ADGRG6: variants seen among roughly 807,000 people sequenced by gnomAD.
ADGRG6 encodes adhesion G protein-coupled receptor G6, also known as G-protein coupled receptor 126.
Under a neutral mutation model 142.4 loss-of-function variants are expected in ADGRG6, and 84 were observed. That is an observed-to-expected ratio of 0.59 (90% CI 0.49 to 0.71). The LOEUF (loss-of-function observed/expected upper bound fraction) is 0.71, where lower values mean the gene tolerates loss of function less well. Among genes scored for constraint, ADGRG6 ranks in the 30% least tolerant of loss-of-function variants. The pLI is 0.00. For synonymous variants in ADGRG6, 521 were observed against 520.5 expected (o/e 1.00, Z -0.01); for missense variants, 1,367 against 1,466.6 (o/e 0.93, Z 1.11).
At chr6:142,309,451 C>T in intron 1 of ADGRG6, 93 bp from the exon 2 acceptor site, 2 of 746,046 alleles carry the variant, frequency 2.7e-6, no homozygotes, top group Non-Finnish European at 4.2e-6. Context: ...GTTTATTTTC[C>T]AGTCCCTACT....
At chr6:142,394,453 T>C in intron 9 of ADGRG6, among the ~76,000 whole-genome samples, 1 of 152,250 alleles carries the variant, frequency 6.6e-6, no homozygotes, top group East Asian at 1.9e-4. Context: ...CCAGCATATA[T>C]GACCAGTTGG....
At position 142,386,939 on chromosome 6, in the gene ADGRG6, C is replaced by A. The variant is rs141125013; in HGVS notation, c.1222+3096C>A. Among the ~76,000 whole-genome samples, 234 of 152,290 alleles carry A rather than the reference C, an allele frequency of 1.5e-3. 1 individual carries two copies. The highest frequency in any genetic ancestry group is 5.1e-3 in the Admixed American group (78 of 15,290). ...GGGATGTGGGAAGACACTGGAGGAC[C>A]TGGAGAAACCCCATGAAGACAAGGG... On this transcript the variant is annotated intron_variant, in intron 6 of 24. Coordinates refer to ENST00000367609, the MANE Select transcript of ADGRG6 (RefSeq NM_198569.3).
At chr6:142,369,010 T>C (rs562770986) in intron 3 of ADGRG6, among the ~76,000 whole-genome samples, 1 of 152,280 alleles carries the variant, frequency 6.6e-6, no homozygotes, top group East Asian at 1.9e-4. Context: ...ATTTAAAACG[T>C]AAACTAAAGT....
intron 14 of ADGRG6, 67 bp from the exon 15 acceptor site, chr6:142,405,621 A>G: frequency 7.9e-7 from 1 of 1,269,684 alleles, no homozygotes; most frequent in African/African-American, 1.5e-5. Flanking sequence ...CTAACTATAC[A>G]TGTGGAATAA....
intron 2 of ADGRG6, among the ~76,000 whole-genome samples, chr6:142,346,731 T>C (rs927726656): frequency 3.9e-5 from 6 of 152,094 alleles, no homozygotes; most frequent in African/African-American, 1.4e-4. Context: ...TGCAGGGACA[T>C]GAATGAAGCT....
chr6:142,302,466 G>T (rs1582943952), intron 1 of ADGRG6, 135 bp downstream of exon 1: 2 of 927,812 alleles, frequency 2.2e-6, no homozygotes, highest in East Asian at 5.5e-5. Context: ...GGAATAAACC[G>T]GTTTGTCTTC....
intron 24 of ADGRG6, among the ~76,000 whole-genome samples, chr6:142,443,115 A>C (rs1443923023): frequency 6.6e-6 from 1 of 152,180 alleles, no homozygotes; most frequent in African/African-American, 2.4e-5. Flanking sequence ...GCCACAGTAC[A>C]AATTACTAGA....
chr6:142,422,007 G>A (rs935577731), intron 22 of ADGRG6, among the ~76,000 whole-genome samples: 3 of 152,118 alleles, frequency 2.0e-5, no homozygotes, highest in Non-Finnish European at 2.9e-5. Flanking sequence ...TTATTGTTGA[G>A]TCATTTTCAG....
chr6:142,304,874 C>T (rs1777405415), intron 1 of ADGRG6, among the ~76,000 whole-genome samples: 1 of 151,748 alleles, frequency 6.6e-6, no homozygotes, highest in African/African-American at 2.4e-5. Flanking sequence ...AGGGGTGGTG[C>T]CATATAAAGG....
At chr6:142,383,736 C>T (rs1474477885) in intron 5 of ADGRG6, 24 bp from the exon 6 acceptor site, 1 of 1,200,948 alleles carries the variant, frequency 8.3e-7, no homozygotes, top group Non-Finnish European at 1.2e-6. Context: ...TGCAAAATTA[C>T]ATCTTTCTCA....
intron 2 of ADGRG6, among the ~76,000 whole-genome samples, chr6:142,359,144 C>T (rs1300989632): frequency 6.9e-6 from 1 of 145,502 alleles, no homozygotes; most frequent in African/African-American, 2.6e-5. Flanking sequence ...GAGGTTGAGG[C>T]TTCAGTGAGC....
intron 17 of ADGRG6, among the ~76,000 whole-genome samples, chr6:142,410,478 G>A (rs950292784): frequency 8.2e-6 from 1 of 122,170 alleles, no homozygotes; most frequent in African/African-American, 4.4e-5. Flanking sequence ...TCAATCAGTA[G>A]GCATAAGGTG....
chr6:142,356,691 A>AT (rs11303813), intron 2 of ADGRG6, among the ~76,000 whole-genome samples: 4 of 151,682 alleles, frequency 2.6e-5, no homozygotes, highest in African/African-American at 4.8e-5. Context: ...GCCAAAAGGG[A>AT]TTTTTTTTTT....
chr6:142,391,147 TTACAAA>T (rs1345008204), intron 7 of ADGRG6, among the ~76,000 whole-genome samples: 1 of 151,774 alleles, frequency 6.6e-6, no homozygotes, highest in Non-Finnish European at 1.5e-5. Flanking sequence ...CTTCTTTTTC[TTACAAA>T]TACAACACAT....
intron 2 of ADGRG6, among the ~76,000 whole-genome samples, chr6:142,339,657 A>G (rs1779517772): frequency 6.6e-6 from 1 of 152,196 alleles, no homozygotes; most frequent in South Asian, 2.1e-4. Context: ...AATGATGAGC[A>G]GGCCTTATTT....
At position 142,390,477 on chromosome 6, in the gene ADGRG6, G is replaced by T. The variant is rs1473960922; in HGVS notation, c.1308+134G>T. 45 of 481,008 alleles carry T rather than the reference G, an allele frequency of 9.4e-5. No individual in the cohort carries two copies. In the Admixed American group the frequency reaches 1.5e-3, roughly 16 times the overall value. 29.8% of individuals were successfully genotyped at this position (481,008 alleles called of 1,614,324 possible). ...TCATTAGAAATATATGAGTAGATAT[G>T]TAAGTGAGGTGTTGTCCTTATGCAT... On this transcript the variant is annotated intron_variant, in intron 7 of 24. Transcript: ENST00000367609.
chr6:142,302,370 T>A, intron 1 of ADGRG6, 39 bp downstream of exon 1: 1 of 1,608,856 alleles, frequency 6.2e-7, no homozygotes, highest in Non-Finnish European at 8.5e-7. Flanking sequence ...CTTCACTCTT[T>A]TATCTGTGTC....
At chr6:142,437,596 CTT>C in intron 23 of ADGRG6, 61 bp downstream of exon 23, 2 of 837,488 alleles carry the variant, frequency 2.4e-6, no homozygotes, top group South Asian at 2.7e-5. Context: ...GTCATTCAGT[CTT>C]TCATTGTCAG....
At chr6:142,329,681 A>C (rs1200111870) in intron 2 of ADGRG6, among the ~76,000 whole-genome samples, 1 of 152,178 alleles carries the variant, frequency 6.6e-6, no homozygotes, top group Non-Finnish European at 1.5e-5. Flanking sequence ...ACAAAGGGTA[A>C]ATGAAAGGAC....
Sources: gnomAD v4.1 joint callset for allele counts (sites outside exome capture counted in the v4.1 genomes callset) on GRCh38, gnomAD v4.1.1 for gene constraint, MANE v1.5 for transcripts, NCBI Gene and HGNC (gene_info 2026-07-23, HGNC 2026-07-21) for gene names.